Variants in PHF21B observed in about 807,000 individuals in gnomAD.
PHF21B encodes PHD finger protein 21B.
A neutral mutation model predicts 62.2 loss-of-function variants in PHF21B; 22 were observed. That is an observed-to-expected ratio of 0.35 (90% CI 0.25 to 0.51). PHF21B has a LOEUF of 0.51. Ranked by LOEUF, PHF21B falls within the 20% of genes least tolerant of loss-of-function variation. The pLI, the probability that PHF21B is intolerant of heterozygous loss-of-function variation, is 0.97. For synonymous variants in PHF21B, 341 were observed against 314.7 expected (o/e 1.08, Z -0.88); for missense variants, 701 against 707.9 (o/e 0.99, Z 0.11).
At chr22:44,927,837 C>T (rs1021414810) in intron 2 of PHF21B, among the ~76,000 whole-genome samples, 4 of 152,174 alleles carry the variant, frequency 2.6e-5, no homozygotes, top group African/African-American at 9.7e-5. Context: ...GCCGCACTTA[C>T]TTCAAGATCA....
chr22:44,931,964 G>A (rs1206497778), intron 2 of PHF21B, among the ~76,000 whole-genome samples: 3 of 152,218 alleles, frequency 2.0e-5, no homozygotes, highest in Non-Finnish European at 4.4e-5. Flanking sequence ...AATCCAGGGA[G>A]GGGCTGGACA....
intron 5 of PHF21B, among the ~76,000 whole-genome samples, chr22:44,907,951 G>T (rs981590518): frequency 6.6e-6 from 1 of 152,210 alleles, no homozygotes; most frequent in Non-Finnish European, 1.5e-5. Flanking sequence ...GCGCTGGGGG[G>T]GTGAGGCCAG....
chr22:44,971,852 C>CT (rs2072644656), intron 2 of PHF21B, among the ~76,000 whole-genome samples: 1 of 152,258 alleles, frequency 6.6e-6, no homozygotes, highest in South Asian at 2.1e-4. Context: ...ACGGACATGT[C>CT]TGTCGTTCCT....
At chr22:45,000,576 C>T (rs909767072) in intron 2 of PHF21B, 1 of 152,200 alleles carries the variant, frequency 6.6e-6, no homozygotes, top group Non-Finnish European at 1.5e-5. Context: ...TTATCAGAGT[C>T]ATTTCATTGA....
intron 12 of PHF21B, among the ~76,000 whole-genome samples, chr22:44,884,663 C>T (rs2070819762): frequency 1.2e-5 from 1 of 85,894 alleles, no homozygotes; most frequent in South Asian, 3.8e-4. Flanking sequence ...TCACTGTGGT[C>T]TGCACCATCA....
chr22:44,970,103 C>T (rs998922871), intron 2 of PHF21B, among the ~76,000 whole-genome samples: 2 of 152,226 alleles, frequency 1.3e-5, no homozygotes, highest in African/African-American at 4.8e-5. Flanking sequence ...GGAGGCTGTG[C>T]GGCCAGCCCA....
In PHF21B at chr22:44,882,827, G is replaced by T. The variant is rs2070762228; in HGVS notation, c.*259C>A. The T allele has an allele frequency of 4.4e-5, 20 of 458,822 alleles. No homozygotes were observed. The South Asian group carries it at 5.9e-4, about 14-fold the overall frequency. The allele number at this position is 458,822 out of a possible 1,614,324, so 28.4% of individuals were successfully genotyped here. On this transcript the variant is annotated 3_prime_UTR_variant, in exon 13 of 13. Coordinates refer to ENST00000313237, the MANE Select transcript of PHF21B (RefSeq NM_138415.5). ...GGCCCAGGCAGCCCCGAGGTGGCCG[G>T]GGGGAGACTGTGTGCCCCAGCCTGT... is the stretch of plus-strand genomic sequence containing the variant.
intron 9 of PHF21B, among the ~76,000 whole-genome samples, chr22:44,888,847 A>T (rs739124): frequency 6.6e-6 from 1 of 152,014 alleles, no homozygotes; most frequent in Non-Finnish European, 1.5e-5. Context: ...GGAGGCAGTT[A>T]TCACACAGCA....
At chr22:44,963,549 A>G (rs5766238) in intron 2 of PHF21B, among the ~76,000 whole-genome samples, 115,699 of 152,182 alleles carry the variant, frequency 0.76, 44,561 homozygotes, top group East Asian at 0.89. Flanking sequence ...CCCAGCAAGA[A>G]GTGGGGCTGA....
At position 45,009,469 on chromosome 22, in the gene PHF21B, CCCCGGG is replaced by C. The variant is rs1265905822; in HGVS notation, c.54+21_54+26del. On this transcript the variant is annotated intron_variant, in intron 1 of 12. Coordinates refer to ENST00000313237, the MANE Select transcript of PHF21B (RefSeq NM_138415.5). The surrounding 1 kb of genome is among the most constrained non-coding windows in gnomAD (Gnocchi z 5.9). The stretch of plus-strand genomic sequence containing the variant: ...CCTCACCCCGCAACACACTCCCCGG[CCCCGGG>C]CCCGGCCCCCGGCCACCTACCTGGT... 6.5e-7 allele frequency: 1 copy of C among 1,526,792 alleles called. No homozygotes were observed. Among genetic ancestry groups the C allele is most frequent in the East Asian group, 2.5e-5 (1 of 40,018 alleles). The allele number at this position is 1,526,792 out of a possible 1,614,324, so 94.6% of individuals were successfully genotyped here.
intron 2 of PHF21B, among the ~76,000 whole-genome samples, chr22:44,927,070 G>T (rs181528883): frequency 2.0e-5 from 3 of 152,034 alleles, no homozygotes; most frequent in African/African-American, 7.3e-5. Context: ...ATTCACAGCC[G>T]GGGACAGGGA....
chr22:44,939,433 T>G (rs890011334), intron 2 of PHF21B, among the ~76,000 whole-genome samples: 14 of 152,320 alleles, frequency 9.2e-5, no homozygotes, highest in Non-Finnish European at 1.6e-4. Context: ...TTCAATGAAA[T>G]GCAGGAAGCA....
intron 5 of PHF21B, among the ~76,000 whole-genome samples, chr22:44,909,634 C>T (rs1318758727): frequency 1.3e-5 from 2 of 152,260 alleles, no homozygotes; most frequent in African/African-American, 4.8e-5. Flanking sequence ...TCAGGCCCTC[C>T]AGGACCAGGT....
chr22:44,913,366 C>T (rs2071378268), intron 5 of PHF21B, among the ~76,000 whole-genome samples: 2 of 152,282 alleles, frequency 1.3e-5, no homozygotes, highest in South Asian at 2.1e-4. Flanking sequence ...GACAGAGGGG[C>T]CCATAGCCGG....
Position 44,883,277 on chromosome 22 carries a change from G to A in PHF21B, c.1405C>T (p.Leu469=), listed in dbSNP as rs2070770676. The A allele has an allele frequency of 1.2e-6, 2 of 1,613,712 alleles. No homozygotes were observed. Among genetic ancestry groups the A allele is most frequent in the Non-Finnish European group, 1.7e-6 (2 of 1,179,962 alleles). ...GACTGGGTGCCCCTCTGGCGGGCCA[G>A]CAGGCTTGTCTTCAACTCCAGGCAT... ...QKCLELKTSL[L]ARQRGTQSSL... is the part of the protein sequence containing the mutation. Residue 469 remains leucine (L), a synonymous_variant, in exon 13 of 13, where the codon CTG becomes TTG. Coordinates refer to ENST00000313237, the MANE Select transcript of PHF21B (RefSeq NM_138415.5).
chr22:44,967,946 T>C (rs2072561265), intron 2 of PHF21B, among the ~76,000 whole-genome samples: 1 of 152,210 alleles, frequency 6.6e-6, no homozygotes, highest in Admixed American at 6.5e-5. Context: ...GCTGGGGTTA[T>C]GGGCTTTGGG....
At chr22:44,927,223 T>C (rs1470686357) in intron 2 of PHF21B, among the ~76,000 whole-genome samples, 2 of 152,038 alleles carry the variant, frequency 1.3e-5, no homozygotes, top group African/African-American at 2.4e-5. Flanking sequence ...CAACCCGCCC[T>C]GGGGAAACGT....
At chr22:44,973,969 G>A (rs935511360) in intron 2 of PHF21B, among the ~76,000 whole-genome samples, 3 of 152,148 alleles carry the variant, frequency 2.0e-5, no homozygotes, top group Non-Finnish European at 4.4e-5. Flanking sequence ...CAACACTAGG[G>A]GCGTAGTTTT....
chr22:44,962,307 T>C (rs1025387024), intron 2 of PHF21B, among the ~76,000 whole-genome samples: 1 of 152,208 alleles, frequency 6.6e-6, no homozygotes, highest in African/African-American at 2.4e-5. Context: ...CAACTTACGA[T>C]GAAGTTACAT....
Sources: gnomAD v4.1 joint callset for allele counts (sites outside exome capture counted in the v4.1 genomes callset) on GRCh38, gnomAD v4.1.1 for gene constraint, Gnocchi (gnomAD v3.1) non-coding constraint, MANE v1.5 for transcripts, NCBI Gene and HGNC (gene_info 2026-07-23, HGNC 2026-07-21) for gene names.